Variants in TRMT44 observed in about 807,000 individuals in gnomAD.
The protein encoded by TRMT44 is tRNA methyltransferase 44 homolog, also known as probable tRNA (uracil-O(2)-)-methyltransferase.
TRMT44 carries 78 observed loss-of-function variants against 77.3 expected under a neutral mutation model. The observed-to-expected ratio is 1.01, with a 90% confidence interval of 0.84 to 1.22. TRMT44 has a LOEUF of 1.22. Among genes scored for constraint, TRMT44 ranks in the 50% most tolerant of loss-of-function variants. The pLI is 0.00. For missense variants in TRMT44, 1,090 were observed against 964.4 expected, an observed-to-expected ratio of 1.13 and a Z score of -1.73; for synonymous variants, 391 against 383.3, an observed-to-expected ratio of 1.02 and a Z score of -0.23.
chr4:8,499,750 G>C, the TRMT44 span, among the ~76,000 whole-genome samples: 6 of 152,300 alleles, frequency 3.9e-5, 1 homozygote, highest in South Asian at 1.0e-3. Flanking sequence ...CAGACATGGG[G>C]ACCTACTTGA....
rs528778392 is a variant in TRMT44, at chr4:8,448,778, C to T, written c.735-891C>T. 8.7e-4 allele frequency among the ~76,000 whole-genome samples: 132 copies of T among 152,354 alleles called. 1 individual carries two copies. The highest frequency in any genetic ancestry group is 3.1e-3 in the African/African-American group (130 of 41,584). On this transcript the variant is annotated intron_variant, in intron 2 of 10. Coordinates refer to ENST00000389737, the MANE Select transcript of TRMT44 (RefSeq NM_152544.3). Reference sequence around the variant, plus strand: ...GTGGTGGCAGAAAACCTGGAAACCACAGCTCTCACCAGACGGACCACTTGC... The same window carrying T: ...GTGGTGGCAGAAAACCTGGAAACCATAGCTCTCACCAGACGGACCACTTGC...
At chr4:8,490,308 G>A (rs969425693) in intron 2 of TRMT44, among the ~76,000 whole-genome samples, 12 of 152,182 alleles carry the variant, frequency 7.9e-5, no homozygotes, top group Non-Finnish European at 7.3e-5. Flanking sequence ...AGACCCTCGC[G>A]GTGAGTGTTA....
intron 2 of TRMT44, among the ~76,000 whole-genome samples, chr4:8,488,048 G>C (rs1727871351): frequency 6.6e-6 from 1 of 152,212 alleles, no homozygotes; most frequent in East Asian, 1.9e-4. Context: ...TGCCAAGATT[G>C]AAAGGAGAAA....
chr4:8,498,579 G>T, the TRMT44 span, among the ~76,000 whole-genome samples: 1 of 152,184 alleles, frequency 6.6e-6, no homozygotes, highest in Admixed American at 6.5e-5. This position sits in a 1 kb window ranked among gnomAD's most constrained non-coding sequence, Gnocchi z 4.3. Flanking sequence ...CAGTGTTATG[G>T]AAAGGATGAT....
intron 1 of TRMT44, among the ~76,000 whole-genome samples, chr4:8,445,888 A>G (rs1640929022): frequency 6.6e-6 from 1 of 152,174 alleles, no homozygotes; most frequent in Non-Finnish European, 1.5e-5. Context: ...TAGAGATAGA[A>G]CTTTATACAA....
chr4:8,498,314 AG>A (rs1030276130), downstream of TRMT44, among the ~76,000 whole-genome samples: 59 of 152,228 alleles, frequency 3.9e-4, no homozygotes, highest in African/African-American at 1.4e-3. This position sits in a 1 kb window ranked among gnomAD's most constrained non-coding sequence, Gnocchi z 4.3. Flanking sequence ...CCCTTCTTGT[AG>A]GGGTGTTCTC....
At chr4:8,459,903 G>C (rs910441283) in intron 6 of TRMT44, among the ~76,000 whole-genome samples, 5 of 152,168 alleles carry the variant, frequency 3.3e-5, no homozygotes, top group African/African-American at 4.8e-5. Context: ...GAGGAGGCTG[G>C]GGGTGTTGTG....
chr4:8,459,252 C>T (rs1726005046), intron 6 of TRMT44, among the ~76,000 whole-genome samples: 1 of 152,092 alleles, frequency 6.6e-6, no homozygotes, highest in African/African-American at 2.4e-5. Flanking sequence ...TTCAGAACCC[C>T]CAACCCCCAC....
At chr4:8,481,733 A>T (rs1449630709) in intron 2 of TRMT44, among the ~76,000 whole-genome samples, 2 of 152,230 alleles carry the variant, frequency 1.3e-5, no homozygotes, top group Non-Finnish European at 2.9e-5. Flanking sequence ...CTAGGCCTAC[A>T]CAGAGTCAGG....
At chr4:8,472,513 A>G (rs775804572) in intron 10 of TRMT44, among the ~76,000 whole-genome samples, 2 of 152,164 alleles carry the variant, frequency 1.3e-5, no homozygotes, top group Non-Finnish European at 2.9e-5. Context: ...TGGGTGTGTG[A>G]GAGAGCACAG....
chr4:8,468,932 C>T lies in TRMT44; in HGVS notation c.1927+586C>T, dbSNP rs546312230. ...CTTCCGGGCAGGGATGCTGCTTGGC[C>T]GCCAGAGGGTGGTGTAGAGCTGCAG... On this transcript the variant is annotated intron_variant, in intron 9 of 10. Transcript: ENST00000389737. Among the ~76,000 whole-genome samples, 34 of 152,312 alleles carry T rather than the reference C, an allele frequency of 2.2e-4. No individual in the cohort carries two copies. The South Asian group carries it at 7.0e-3, about 32-fold the overall frequency.
At chr4:8,502,401 A>G in the TRMT44 span, among the ~76,000 whole-genome samples, 4 of 152,228 alleles carry the variant, frequency 2.6e-5, no homozygotes, top group South Asian at 2.1e-4. Flanking sequence ...AAAAACTACA[A>G]CGAACTTAGT....
downstream of TRMT44, chr4:8,477,879 G>A (rs1056269776): frequency 6.5e-6 from 1 of 152,770 alleles, no homozygotes; most frequent in African/African-American, 2.4e-5. Flanking sequence ...CGAGAGGGAA[G>A]TGCAGGGAGC....
rs1725474982 is a variant in TRMT44 at position 8,451,897 on chromosome 4, A to C, written c.955-63A>C. ...GATTTATGCTTTATAGGGATACTTA[A>C]AGTATTGGGAAATGGTGGTGGGGAA... On this transcript the variant is annotated intron_variant, in intron 3 of 10. Coordinates refer to ENST00000389737, the MANE Select transcript of TRMT44 (RefSeq NM_152544.3). The surrounding 1 kb of genome is among the most constrained non-coding windows in gnomAD (Gnocchi z 4.1). The C allele has an allele frequency of 2.1e-6, 3 of 1,405,538 alleles. No homozygotes were observed. Among genetic ancestry groups the C allele is most frequent in the Admixed American group, 3.9e-5 (2 of 50,788 alleles). The allele number at this position is 1,405,538 out of a possible 1,614,324, so 87.1% of individuals were successfully genotyped here.
At position 8,446,646 on chromosome 4, in the gene TRMT44, G is replaced by A; in HGVS notation, c.734+56G>A. ...ATGGTTTCCATTGAGGATTTCTTTA[G>A]GTAGCCAAAGGATTCTGGGTTGCCA... On this transcript the variant is annotated intron_variant, in intron 2 of 10. Transcript: ENST00000389737. The surrounding 1 kb of genome is among the most constrained non-coding windows in gnomAD (Gnocchi z 4.3). The A allele has an allele frequency of 3.9e-6, 5 of 1,273,206 alleles. No homozygotes were observed. The highest frequency in any genetic ancestry group is 2.2e-5 in the Admixed American group (1 of 45,298). The allele number at this position is 1,273,206 out of a possible 1,614,324, so 78.9% of individuals were successfully genotyped here. A position where few individuals can be genotyped will look rare whatever the true frequency, so the allele number is the denominator to read the frequency against.
In TRMT44 at chr4:8,449,544, C is replaced by T. The variant is rs115787258; in HGVS notation, c.735-125C>T. 1,569 of 700,438 alleles carry T rather than the reference C, an allele frequency of 2.2e-3. 18 individuals are homozygous for T. In the African/African-American group the frequency reaches 0.025, roughly 11 times the overall value. 43.4% of individuals were successfully genotyped at this position (700,438 alleles called of 1,614,324 possible). A position where few individuals can be genotyped will look rare whatever the true frequency, so the allele number is the denominator to read the frequency against. Reference sequence around the variant, plus strand: ...GAAAGTTCTGTAACTAGTTCTAGTTCGTTTTATGTTTTTGGTAATATAGAT... The same window carrying T: ...GAAAGTTCTGTAACTAGTTCTAGTTTGTTTTATGTTTTTGGTAATATAGAT... On this transcript the variant is annotated intron_variant, in intron 2 of 10. Transcript: ENST00000389737.
At chr4:8,515,088 C>A in the TRMT44 span, among the ~76,000 whole-genome samples, 1 of 152,180 alleles carries the variant, frequency 6.6e-6, no homozygotes, top group African/African-American at 2.4e-5. Flanking sequence ...AACTCAGCCT[C>A]CCTAGGAGCT....
In TRMT44 at chr4:8,469,738, T is replaced by TA. The variant is rs1320015601; in HGVS notation, c.1928-1345dup. 5.3e-5 allele frequency among the ~76,000 whole-genome samples: 8 copies of TA among 152,272 alleles called. No homozygotes were observed. The East Asian group carries it at 1.6e-3, about 30-fold the overall frequency. On this transcript the variant is annotated intron_variant, in intron 9 of 10. Transcript: ENST00000389737. Reference sequence around the variant, plus strand: ...GGGTGTCCGTGGGTCTGGGGCTTGTTAGGGACTCTCCACGTGGCCTTGGCC... The same window carrying TA: ...GGGTGTCCGTGGGTCTGGGGCTTGTTAAGGGACTCTCCACGTGGCCTTGGCC...
chr4:8,462,573 C>T (rs1001302262), intron 6 of TRMT44, among the ~76,000 whole-genome samples: 7 of 151,908 alleles, frequency 4.6e-5, no homozygotes, highest in Admixed American at 2.0e-4. Flanking sequence ...GGTGTGGTGG[C>T]GGGTGCCTGT....
Sources: gnomAD v4.1 joint callset for allele counts (sites outside exome capture counted in the v4.1 genomes callset) on GRCh38, gnomAD v4.1.1 for gene constraint, Gnocchi (gnomAD v3.1) non-coding constraint, MANE v1.5 for transcripts, NCBI Gene and HGNC (gene_info 2026-07-23, HGNC 2026-07-21) for gene names.